Variants in CMPK2 observed in about 807,000 individuals in gnomAD.
CMPK2 encodes the protein UMP-CMP kinase 2, mitochondrial.
In CMPK2, 32 loss-of-function variants were observed where a neutral mutation model predicts 33.4. The ratio of observed to expected loss-of-function variants is 0.96; its 90% CI spans 0.72 to 1.29. The LOEUF (loss-of-function observed/expected upper bound fraction) is 1.29. CMPK2 is among the 50% of genes most tolerant of loss of function. The pLI is 0.00. For synonymous variants in CMPK2, 299 were observed against 275.3 expected (o/e 1.09, Z -0.85); for missense variants, 672 against 616.0 (o/e 1.09, Z -0.96).
At chr2:6,850,992 T>A (rs1662503981) in intron 4 of CMPK2, 2 of 1,005,530 alleles carry the variant, frequency 2.0e-6, no homozygotes, top group Non-Finnish European at 2.4e-6. Context: ...AATCACTTAA[T>A]CCTTTGAGCC....
At chr2:6,850,063 T>G (rs1413415727) in intron 4 of CMPK2, 90 bp from the exon 5 acceptor site, 5 of 956,532 alleles carry the variant, frequency 5.2e-6, no homozygotes, top group Non-Finnish European at 8.0e-6. Context: ...ATAAATAGCT[T>G]GAAGCAAGCT....
intron 1 of CMPK2, among the ~76,000 whole-genome samples, chr2:6,864,746 T>G (rs892867909): frequency 2.0e-5 from 3 of 152,204 alleles, no homozygotes; most frequent in African/African-American, 7.2e-5. Context: ...CGGCAGCCCC[T>G]TTACTCCCTC....
At chr2:6,858,136 T>C (rs906526279) in intron 3 of CMPK2, among the ~76,000 whole-genome samples, 3 of 152,166 alleles carry the variant, frequency 2.0e-5, no homozygotes, top group Non-Finnish European at 4.4e-5. Flanking sequence ...GTTAGCTTAT[T>C]TCAGTCTTAG....
At chr2:6,853,620 G>A (rs549303236) in intron 3 of CMPK2, among the ~76,000 whole-genome samples, 1 of 152,246 alleles carries the variant, frequency 6.6e-6, no homozygotes, top group East Asian at 1.9e-4. Flanking sequence ...CAGAACACAG[G>A]ACAGCACTGA....
Position 6,865,854 on chromosome 2 carries a change from A to T in CMPK2, c.-158T>A. ...CGAAAGCCGGAGGCCCAGGCGGGGC[A>T]GGAGCCCTGGGGCTGGGGCGCCCTT... is the stretch of plus-strand genomic sequence containing the variant. On this transcript the variant is annotated 5_prime_UTR_variant, in exon 1 of 5. Transcript: ENST00000256722. The T allele has an allele frequency of 7.6e-7, 1 of 1,322,268 alleles. No individual in the cohort carries two copies. The allele number at this position is 1,322,268 out of a possible 1,614,324, so 81.9% of individuals were successfully genotyped here.
intron 3 of CMPK2, among the ~76,000 whole-genome samples, chr2:6,859,135 G>C (rs1662799537): frequency 6.6e-6 from 1 of 152,246 alleles, no homozygotes; most frequent in Non-Finnish European, 1.5e-5. Context: ...CTTTGAACTT[G>C]AGAGAATAAT....
chr2:6,848,868 C>T lies in CMPK2; in HGVS notation c.*982G>A. The T allele has an allele frequency of 1.0e-6, 1 of 985,788 alleles. No individual in the cohort carries two copies. Among genetic ancestry groups the T allele is most frequent in the Non-Finnish European group, 1.2e-6 (1 of 829,898 alleles). The allele number at this position is 985,788 out of a possible 1,614,324, so 61.1% of individuals were successfully genotyped here. On this transcript the variant is annotated 3_prime_UTR_variant, in exon 5 of 5. Transcript: ENST00000256722. ...AGACATTCAAGTGCAAGATAATTTA[C>T]CAAGAAATCCCACTCCAAGATCCAC...
chr2:6,861,833 G>A (rs1401115926), intron 2 of CMPK2, among the ~76,000 whole-genome samples: 1 of 152,120 alleles, frequency 6.6e-6, no homozygotes, highest in Non-Finnish European at 1.5e-5. Flanking sequence ...CCAATTTCCA[G>A]CCCTGGTTCT....
chr2:6,852,673 T>C (rs555509748), intron 3 of CMPK2, among the ~76,000 whole-genome samples: 1 of 152,358 alleles, frequency 6.6e-6, no homozygotes, highest in South Asian at 2.1e-4. Context: ...GGAAATCTTT[T>C]TTAGTAATGC....
Position 6,865,490 on chromosome 2 carries a change from CG to C in CMPK2, c.206del (p.Pro69ArgfsTer11), listed in dbSNP as rs1309363323. 5 of 1,268,968 alleles carry C rather than the reference CG, an allele frequency of 3.9e-6. No homozygotes were observed. In the South Asian group the frequency reaches 8.2e-5, roughly 21 times the overall value. 78.6% of individuals were successfully genotyped at this position (1,268,968 alleles called of 1,614,324 possible). ...DPRLAALLGP[P>X]ERSYSLCVPV... ...GCACGCACAGCGAGTAGCTGCGCTC[CG>C]GGGGCCCCAGCAGCGCCGCCAGGCG... On this transcript the variant is annotated frameshift_variant, in exon 1 of 5. Transcript: ENST00000256722. LOFTEE classifies it high-confidence loss of function.
At chr2:6,852,819 A>G (rs1662563904) in intron 3 of CMPK2, among the ~76,000 whole-genome samples, 1 of 152,248 alleles carries the variant, frequency 6.6e-6, no homozygotes, top group African/African-American at 2.4e-5. Context: ...CCAATTTTAA[A>G]GGACTAAATG....
rs998729736 is a variant in CMPK2, at chr2:6,848,853, G to A, written c.*997C>T. 1 of 985,800 alleles carries A rather than the reference G, an allele frequency of 1.0e-6. No homozygotes were observed. The highest frequency in any genetic ancestry group is 1.2e-6 in the Non-Finnish European group (1 of 829,916). The allele number at this position is 985,800 out of a possible 1,614,324, so 61.1% of individuals were successfully genotyped here. On this transcript the variant is annotated 3_prime_UTR_variant, in exon 5 of 5. Coordinates refer to ENST00000256722, the MANE Select transcript of CMPK2 (RefSeq NM_207315.4). Reference sequence around the variant, plus strand: ...TCATATGTAATCATGAGACATTCAAGTGCAAGATAATTTACCAAGAAATCC... The same window carrying A: ...TCATATGTAATCATGAGACATTCAAATGCAAGATAATTTACCAAGAAATCC...
chr2:6,851,221 G>A (rs1662511720), intron 4 of CMPK2: 3 of 1,335,998 alleles, frequency 2.2e-6, no homozygotes, highest in South Asian at 3.0e-5. Flanking sequence ...GCCAGGATCA[G>A]TGGCAGGGTC....
chr2:6,855,687 C>T (rs1662664471), intron 3 of CMPK2, among the ~76,000 whole-genome samples: 1 of 152,186 alleles, frequency 6.6e-6, no homozygotes, highest in South Asian at 2.1e-4. Context: ...TTGTTATCCC[C>T]ATTGCCATCC....
At chr2:6,865,955 C>T (rs1199324030), upstream of CMPK2, 1 of 1,237,498 alleles carries the variant, frequency 8.1e-7, no homozygotes. Context: ...GCCCCGGGGC[C>T]CCAGGTGCGC....
chr2:6,863,880 C>T (rs913577001), intron 1 of CMPK2, among the ~76,000 whole-genome samples: 4 of 152,188 alleles, frequency 2.6e-5, no homozygotes, highest in Non-Finnish European at 4.4e-5. Context: ...CCTGTGACAC[C>T]GCAACCATGG....
Position 6,865,131 on chromosome 2 carries a change from C to CA in CMPK2, c.565dup (p.Cys189LeufsTer44). 2 of 1,523,234 alleles carry CA rather than the reference C, an allele frequency of 1.3e-6. No homozygotes were observed. Among genetic ancestry groups the CA allele is most frequent in the Non-Finnish European group, 1.8e-6 (2 of 1,136,370 alleles). 94.4% of individuals were successfully genotyped at this position (1,523,234 alleles called of 1,614,324 possible). A position where few individuals can be genotyped will look rare whatever the true frequency, so the allele number is the denominator to read the frequency against. On this transcript the variant is annotated frameshift_variant, in exon 1 of 5. Transcript: ENST00000256722. LOFTEE classifies it high-confidence loss of function. ...CTCCGGGACGGGCACGACCTGTGCG[C>CA]AGCCCACCTGCAGCCGCCTGCCGTC...
intron 3 of CMPK2, among the ~76,000 whole-genome samples, chr2:6,859,727 GC>G (rs1229668821): frequency 2.0e-5 from 3 of 152,218 alleles, no homozygotes; most frequent in African/African-American, 7.2e-5. Context: ...CAGGAGTGGG[GC>G]TCTCATGGAG....
At chr2:6,860,754 C>T (rs1385615817) in intron 3 of CMPK2, among the ~76,000 whole-genome samples, 2 of 152,176 alleles carry the variant, frequency 1.3e-5, no homozygotes, top group African/African-American at 4.8e-5. Flanking sequence ...GTCTTTGGCA[C>T]ACAGGAGGTG....
Sources: allele counts gnomAD v4.1 joint callset (sites outside exome capture counted in the v4.1 genomes callset), GRCh38; gene constraint gnomAD v4.1.1; transcripts MANE v1.5; gene names NCBI Gene and HGNC (gene_info 2026-07-23, HGNC 2026-07-21).